The following KCTD8 variants were observed in gnomAD, a reference collection of about 807,000 sequenced individuals.
KCTD8 encodes the protein BTB/POZ domain-containing protein KCTD8.
KCTD8 carries 27 observed loss-of-function variants against 31.5 expected under a neutral mutation model. The ratio of observed to expected loss-of-function variants is 0.86; its 90% CI spans 0.63 to 1.18. KCTD8 has a LOEUF of 1.18. Among genes scored for constraint, KCTD8 ranks in the 50% most tolerant of loss-of-function variants. KCTD8 has a pLI of 0.00. For missense variants in KCTD8, 658 were observed against 647.7 expected, an observed-to-expected ratio of 1.02 and a Z score of -0.17; for synonymous variants, 290 against 280.0, an observed-to-expected ratio of 1.04 and a Z score of -0.36.
At chr4:44,361,743 T>C (rs1041344805) in intron 1 of KCTD8, among the ~76,000 whole-genome samples, 16 of 152,182 alleles carry the variant, frequency 1.1e-4, no homozygotes, top group Middle Eastern at 3.4e-3. Flanking sequence ...CTTGAAATAA[T>C]AGGATAATTA....
chr4:44,324,194 T>C (rs553052496), intron 1 of KCTD8, among the ~76,000 whole-genome samples: 3 of 152,054 alleles, frequency 2.0e-5, no homozygotes, highest in South Asian at 2.1e-4. Flanking sequence ...GGTATGTACA[T>C]ACCAACTTTA....
At chr4:44,298,342 T>C (rs1220418144) in intron 1 of KCTD8, among the ~76,000 whole-genome samples, 2 of 152,066 alleles carry the variant, frequency 1.3e-5, no homozygotes, top group African/African-American at 4.8e-5. Context: ...TGGATCGATA[T>C]TTCTACAGGG....
At chr4:44,406,636 C>T (rs1304348814) in intron 1 of KCTD8, among the ~76,000 whole-genome samples, 1 of 152,106 alleles carries the variant, frequency 6.6e-6, no homozygotes, top group Non-Finnish European at 1.5e-5. Flanking sequence ...GACTAACACA[C>T]CTTGCCTTAA....
In KCTD8 at chr4:44,325,272, C is replaced by T. The variant is rs914379858; in HGVS notation, c.961+122291G>A. The stretch of plus-strand genomic sequence containing the variant: ...CAGGAGAAATTCAAAGTGAAGAGAA[C>T]GGAATAAAGACTGAAAGTTGAGGGC... On this transcript the variant is annotated intron_variant, in intron 1 of 1. Transcript: ENST00000360029. Among the ~76,000 whole-genome samples, 58 of 151,772 alleles carry T rather than the reference C, an allele frequency of 3.8e-4. 1 individual carries two copies. The highest frequency in any genetic ancestry group is 2.8e-3 in the Admixed American group (43 of 15,234).
intron 1 of KCTD8, among the ~76,000 whole-genome samples, chr4:44,342,693 G>C (rs996439905): frequency 3.5e-4 from 53 of 152,318 alleles, no homozygotes; most frequent in African/African-American, 1.2e-3. Context: ...TCCAATAGAA[G>C]GCTGTTTTCT....
intron 1 of KCTD8, among the ~76,000 whole-genome samples, chr4:44,258,231 T>C (rs1470356951): frequency 6.6e-6 from 1 of 151,962 alleles, no homozygotes; most frequent in Non-Finnish European, 1.5e-5. Context: ...ATTCCAAATA[T>C]GAGGACTTGA....
intron 1 of KCTD8, among the ~76,000 whole-genome samples, chr4:44,387,077 C>A (rs564925721): frequency 6.6e-5 from 10 of 151,612 alleles, no homozygotes; most frequent in African/African-American, 2.2e-4. Flanking sequence ...TTCCTATATA[C>A]CAACAGTCAA....
chr4:44,350,511 G>A (rs1425401397), intron 1 of KCTD8, among the ~76,000 whole-genome samples: 1 of 152,030 alleles, frequency 6.6e-6, no homozygotes, highest in Non-Finnish European at 1.5e-5. Flanking sequence ...ATAAATACAA[G>A]AGCTTCTAGC....
chr4:44,291,976 A>C (rs1242521552), intron 1 of KCTD8, among the ~76,000 whole-genome samples: 1 of 151,440 alleles, frequency 6.6e-6, no homozygotes, highest in Non-Finnish European at 1.5e-5. Context: ...AAAAAAAAAA[A>C]AAAAAAACAG....
At chr4:44,203,879 A>G (rs1031332870) in intron 1 of KCTD8, among the ~76,000 whole-genome samples, 1 of 151,760 alleles carries the variant, frequency 6.6e-6, no homozygotes, top group African/African-American at 2.4e-5. Context: ...CTCCACAAAA[A>G]ATAGAAAACA....
intron 1 of KCTD8, among the ~76,000 whole-genome samples, chr4:44,365,128 A>G (rs1438731891): frequency 2.6e-5 from 4 of 152,174 alleles, no homozygotes; most frequent in African/African-American, 9.6e-5. Context: ...TATCACACTA[A>G]TGCAAAATAT....
At chr4:44,177,289 C>G (rs1241619078) in intron 1 of KCTD8, among the ~76,000 whole-genome samples, 1 of 152,074 alleles carries the variant, frequency 6.6e-6, no homozygotes, top group African/African-American at 2.4e-5. Context: ...CCCACCCCAC[C>G]CCCAGGAATG....
chr4:44,430,182 T>C (rs1721440139), intron 1 of KCTD8, among the ~76,000 whole-genome samples: 4 of 151,712 alleles, frequency 2.6e-5, no homozygotes, highest in African/African-American at 9.7e-5. Context: ...ACTGCTCTCT[T>C]GGGTGACTTC....
At chr4:44,414,703 T>C (rs73177435) in intron 1 of KCTD8, among the ~76,000 whole-genome samples, 11,810 of 152,194 alleles carry the variant, frequency 0.078, 1,269 homozygotes, top group African/African-American at 0.25. Flanking sequence ...AATACATTTA[T>C]TGATATAGTT....
At chr4:44,190,480 T>A (rs2109334498) in intron 1 of KCTD8, among the ~76,000 whole-genome samples, 1 of 152,284 alleles carries the variant, frequency 6.6e-6, no homozygotes, top group South Asian at 2.1e-4. Flanking sequence ...TGGTGCTCTA[T>A]CTATCTTATA....
chr4:44,418,586 C>G (rs191606104), intron 1 of KCTD8, among the ~76,000 whole-genome samples: 2 of 151,894 alleles, frequency 1.3e-5, no homozygotes, highest in Non-Finnish European at 2.9e-5. Context: ...GCAGTGGATA[C>G]GAAAATAGAG....
At chr4:44,325,087 AAAG>A (rs1718408706) in intron 1 of KCTD8, among the ~76,000 whole-genome samples, 2 of 152,012 alleles carry the variant, frequency 1.3e-5, no homozygotes, top group Admixed American at 1.3e-4. Context: ...GCTTAACTCC[AAAG>A]CTCTATAATT....
At chr4:44,318,028 C>A (rs1368853215) in intron 1 of KCTD8, among the ~76,000 whole-genome samples, 1 of 152,212 alleles carries the variant, frequency 6.6e-6, no homozygotes, top group African/African-American at 2.4e-5. Flanking sequence ...TTTGCATTTG[C>A]TGACTCTGAA....
chr4:44,340,984 A>G (rs1315771464), intron 1 of KCTD8, among the ~76,000 whole-genome samples: 3 of 152,136 alleles, frequency 2.0e-5, no homozygotes, highest in Admixed American at 2.0e-4. Flanking sequence ...ACTGTAAACA[A>G]TACCATGAAG....
Sources: allele counts gnomAD v4.1 joint callset (sites outside exome capture counted in the v4.1 genomes callset), GRCh38; gene constraint gnomAD v4.1.1; transcripts MANE v1.5; gene names NCBI Gene and HGNC (gene_info 2026-07-23, HGNC 2026-07-21).